The following SCAPER variants were observed in gnomAD, a reference collection of about 807,000 sequenced individuals.
The protein encoded by SCAPER is S-phase cyclin A associated protein in the ER.
SCAPER carries 98 observed loss-of-function variants against 182.2 expected under a neutral mutation model. That is an observed-to-expected ratio of 0.54 (90% CI 0.46 to 0.64). The LOEUF (loss-of-function observed/expected upper bound fraction) is 0.64, where lower values mean the gene tolerates loss of function less well. Ranked by LOEUF, SCAPER falls within the 30% of genes least tolerant of loss-of-function variation. The pLI, the probability that SCAPER is intolerant of heterozygous loss-of-function variation, is 0.00. For synonymous variants in SCAPER, 605 were observed against 564.6 expected, an observed-to-expected ratio of 1.07 and a Z score of -1.01; for missense variants, 1,432 against 1,690.0, an observed-to-expected ratio of 0.85 and a Z score of 2.68.
chr15:76,832,437 T>A (rs1209951449), intron 5 of SCAPER, among the ~76,000 whole-genome samples: 12 of 152,166 alleles, frequency 7.9e-5, no homozygotes, highest in Non-Finnish European at 7.4e-5. Flanking sequence ...GAAAAAGGAA[T>A]TTTAAAAAAT....
chr15:76,509,891 A>G (rs2041887437), intron 23 of SCAPER, among the ~76,000 whole-genome samples: 1 of 152,206 alleles, frequency 6.6e-6, no homozygotes, highest in Middle Eastern at 3.2e-3. Flanking sequence ...GACCAACGGA[A>G]CAGAACAGAG....
chr15:76,746,522 A>C lies in SCAPER; in HGVS notation c.1866+7286T>G, dbSNP rs73443727. Among the ~76,000 whole-genome samples the C allele has an allele frequency of 6.6e-3, 1,012 of 152,384 alleles. 12 individuals are homozygous for C. Among genetic ancestry groups the C allele is most frequent in the African/African-American group, 0.023 (966 of 41,592 alleles). Reference sequence around the variant, plus strand: ...CAACAATATACTATAGGTTCTAGCCAGAGCAATTAAACAAGAAAAAGAAAT... The same window carrying C: ...CAACAATATACTATAGGTTCTAGCCCGAGCAATTAAACAAGAAAAAGAAAT... On this transcript the variant is annotated intron_variant, in intron 15 of 31. Transcript: ENST00000563290.
intron 25 of SCAPER, among the ~76,000 whole-genome samples, chr15:76,470,292 TACAGTTC>T (rs1485760958): frequency 6.6e-6 from 1 of 152,138 alleles, no homozygotes; most frequent in African/African-American, 2.4e-5. Flanking sequence ...AATAGTTAAA[TACAGTTC>T]AGTGTGATCA....
chr15:76,410,222 C>G (rs1420801710), intron 26 of SCAPER, among the ~76,000 whole-genome samples: 3 of 152,204 alleles, frequency 2.0e-5, no homozygotes, highest in Non-Finnish European at 4.4e-5. Context: ...CCTTCTCCCA[C>G]TATTCTTGTC....
rs1046446951 is a variant in SCAPER at position 76,718,782 on chromosome 15, G to C, written c.2165+9813C>G. On this transcript the variant is annotated intron_variant, in intron 17 of 31. Transcript: ENST00000563290. ...TAGACATTTCTCCAAAGAAGTCATA[G>C]TCAGTAGATATATGGAAAGGTGATG... Among the ~76,000 whole-genome samples, 18 of 152,252 alleles carry C rather than the reference G, an allele frequency of 1.2e-4. 1 individual carries two copies. The highest frequency in any genetic ancestry group is 3.9e-4 in the African/African-American group (16 of 41,540).
intron 24 of SCAPER, among the ~76,000 whole-genome samples, chr15:76,486,798 C>T (rs2051696791): frequency 6.6e-6 from 1 of 152,088 alleles, no homozygotes; most frequent in Non-Finnish European, 1.5e-5. Context: ...CCTCAAAGAC[C>T]CAAAGACAGA....
At chr15:76,352,943 G>A (rs1034208100) in intron 30 of SCAPER, among the ~76,000 whole-genome samples, 3 of 151,522 alleles carry the variant, frequency 2.0e-5, no homozygotes, top group Non-Finnish European at 4.4e-5. Context: ...GATTCAAACA[G>A]AACAATTAAG....
chr15:76,426,175 T>C (rs755106808), intron 26 of SCAPER, among the ~76,000 whole-genome samples: 22 of 152,212 alleles, frequency 1.4e-4, no homozygotes, highest in Admixed American at 2.0e-4. Context: ...CAGAGGTTTC[T>C]GTTGCCTTTT....
intron 5 of SCAPER, among the ~76,000 whole-genome samples, chr15:76,819,926 A>T (rs910202648): frequency 1.3e-5 from 2 of 152,256 alleles, no homozygotes; most frequent in African/African-American, 4.8e-5. Context: ...AAAGTGGGCA[A>T]AGGATATGAG....
chr15:76,365,363 T>A (rs559096716), intron 29 of SCAPER, among the ~76,000 whole-genome samples: 1 of 152,260 alleles, frequency 6.6e-6, no homozygotes, highest in Non-Finnish European at 1.5e-5. Flanking sequence ...CAGTCTTCTG[T>A]GTTAGGGCCT....
chr15:76,588,531 G>A (rs2048857366), intron 22 of SCAPER, among the ~76,000 whole-genome samples: 1 of 152,140 alleles, frequency 6.6e-6, no homozygotes, highest in African/African-American at 2.4e-5. Flanking sequence ...CGCTTGGTTA[G>A]TGAATTCTTA....
At chr15:76,830,584 G>T (rs959586203) in intron 5 of SCAPER, among the ~76,000 whole-genome samples, 3 of 152,004 alleles carry the variant, frequency 2.0e-5, no homozygotes, top group African/African-American at 7.2e-5. Context: ...GAGGTGAGGG[G>T]AGGAACAAAG....
At chr15:76,494,578 T>C (rs1327458377) in intron 24 of SCAPER, among the ~76,000 whole-genome samples, 1 of 152,210 alleles carries the variant, frequency 6.6e-6, no homozygotes, top group Non-Finnish European at 1.5e-5. Flanking sequence ...GAAAGTTTTA[T>C]GTTCATAAAT....
At chr15:76,901,234 GAA>G (rs1475531247) in intron 1 of SCAPER, among the ~76,000 whole-genome samples, 1 of 151,664 alleles carries the variant, frequency 6.6e-6, no homozygotes, top group Non-Finnish European at 1.5e-5. Flanking sequence ...CGTCTCAAAA[GAA>G]AAAAAGAGTA....
At chr15:76,786,898 A>G (rs2064651767) in intron 8 of SCAPER, among the ~76,000 whole-genome samples, 1 of 152,194 alleles carries the variant, frequency 6.6e-6, no homozygotes, top group African/African-American at 2.4e-5. Flanking sequence ...TCGCAAAAAG[A>G]AAATGAAATA....
intron 1 of SCAPER, among the ~76,000 whole-genome samples, chr15:76,896,326 A>T (rs534236251): frequency 6.6e-6 from 1 of 151,546 alleles, no homozygotes; most frequent in Non-Finnish European, 1.5e-5. Context: ...AGTTGTGATC[A>T]CACCACTGCA....
At chr15:76,820,715 T>G (rs886344278) in intron 5 of SCAPER, among the ~76,000 whole-genome samples, 72 of 151,318 alleles carry the variant, frequency 4.8e-4, no homozygotes, top group African/African-American at 1.7e-3. Flanking sequence ...GTTGTGCACA[T>G]GTACCCTAAA....
intron 30 of SCAPER, among the ~76,000 whole-genome samples, chr15:76,351,507 C>T (rs1476373490): frequency 5.3e-5 from 8 of 152,114 alleles, no homozygotes; most frequent in African/African-American, 1.7e-4. Context: ...CAACTTGCTG[C>T]CTACTTTGGA....
chr15:76,773,432 G>C (rs2063575629), intron 9 of SCAPER, among the ~76,000 whole-genome samples: 1 of 151,806 alleles, frequency 6.6e-6, no homozygotes, highest in Admixed American at 6.6e-5. Context: ...ATTTTTAGCT[G>C]AACACAGCAA....
Sources: gnomAD v4.1 joint callset for allele counts (sites outside exome capture counted in the v4.1 genomes callset) on GRCh38, gnomAD v4.1.1 for gene constraint, MANE v1.5 for transcripts, NCBI Gene and HGNC (gene_info 2026-07-23, HGNC 2026-07-21) for gene names.